Variants in ZNF410 observed in about 807,000 individuals in gnomAD.
ZNF410 encodes zinc finger protein 410, also known as another partner for ARF 1.
A neutral mutation model predicts 54.8 loss-of-function variants in ZNF410; 18 were observed. That is an observed-to-expected ratio of 0.33 (90% CI 0.23 to 0.49). The LOEUF (loss-of-function observed/expected upper bound fraction) is 0.49. ZNF410 is among the 20% of genes least tolerant of loss of function. The pLI, the probability that ZNF410 is intolerant of heterozygous loss-of-function variation, is 0.99. For missense variants in ZNF410, 405 were observed against 569.6 expected (o/e 0.71, Z 2.94); for synonymous variants, 191 against 207.3 (o/e 0.92, Z 0.68).
intron 11 of ZNF410, among the ~76,000 whole-genome samples, chr14:73,925,490 C>T (rs897120716): frequency 2.6e-5 from 4 of 151,276 alleles, no homozygotes; most frequent in Admixed American, 6.6e-5. Flanking sequence ...TGCAGTGGTG[C>T]GATCTCAGCT....
chr14:73,887,268 C>G (rs2055157519), intron 1 of ZNF410: 1 of 152,454 alleles, frequency 6.6e-6, no homozygotes, highest in Non-Finnish European at 1.5e-5. Flanking sequence ...ACCTTGGGGC[C>G]TTATTTCTGA....
intron 11 of ZNF410, among the ~76,000 whole-genome samples, chr14:73,926,595 C>A (rs1224076643): frequency 1.3e-5 from 2 of 152,010 alleles, no homozygotes; most frequent in South Asian, 4.2e-4. Context: ...CCACCAAGCC[C>A]CACTAATTTT....
chr14:73,905,031 T>C lies in ZNF410; in HGVS notation c.861T>C (p.Gly287=), dbSNP rs1482493432. ...KPFMCHESGC[G]KQFTTAGNLK... ...TTATGTGCCATGAGTCTGGCTGTGG[T>C]AAGCAGTTTACTACAGCTGGAAACC... The change falls in exon 7 of 12, where the codon GGT becomes GGC. Residue 287 remains glycine (G), a synonymous_variant. Coordinates refer to ENST00000555044, the MANE Select transcript of ZNF410 (RefSeq NM_021188.3). The C allele has an allele frequency of 1.2e-6, 2 of 1,613,888 alleles. No individual in the cohort carries two copies. The highest frequency in any genetic ancestry group is 1.7e-6 in the Non-Finnish European group (2 of 1,180,040).
chr14:73,903,393 A>G (rs1214293802), intron 5 of ZNF410, among the ~76,000 whole-genome samples: 1 of 152,190 alleles, frequency 6.6e-6, no homozygotes, highest in African/African-American at 2.4e-5. Flanking sequence ...ACATTTGTCA[A>G]AGAGGCCTAG....
chr14:73,905,873 TATAAAA>T (rs1182881288), intron 7 of ZNF410, among the ~76,000 whole-genome samples: 5 of 150,128 alleles, frequency 3.3e-5, no homozygotes, highest in Admixed American at 2.0e-4. Context: ...ATATATAAAA[TATAAAA>T]ATAAAAGGCA....
chr14:73,894,419 C>G (rs915500557), intron 3 of ZNF410: 1 of 678,982 alleles, frequency 1.5e-6, no homozygotes, highest in East Asian at 2.7e-5. Flanking sequence ...AGTATACATA[C>G]TTGCTTTTTT....
Position 73,898,074 on chromosome 14 carries a change from T to C in ZNF410, c.392T>C (p.Leu131Pro). The C allele has an allele frequency of 1.2e-6, 2 of 1,611,996 alleles. No individual in the cohort carries two copies. Among genetic ancestry groups the C allele is most frequent in the Non-Finnish European group, 1.7e-6 (2 of 1,178,488 alleles). The stretch of plus-strand genomic sequence containing the variant: ...TCATATATTTTGTTTCTTCCAGGTC[T>C]GGGCTCTTCAGCTGAGCACTTAGTG... ...FILLNLTRAG[L>P]GSSAEHLVFV... is the part of the protein sequence containing the mutation. The change falls in exon 5 of 12, where the codon CTG (leucine) becomes CCG (proline). Residue 131 changes from leucine (L) to proline (P), a missense_variant. Leu to Pro is a moderately conservative substitution (Grantham distance 98, BLOSUM62 -3). This residue lies in a region of ZNF410 where 247 missense variants were observed against 342.8 expected (regional missense o/e 0.72). Transcript: ENST00000555044.
intron 1 of ZNF410, among the ~76,000 whole-genome samples, chr14:73,889,414 A>C (rs1279012774): frequency 2.7e-5 from 4 of 146,380 alleles, no homozygotes; most frequent in Admixed American, 6.9e-5. Flanking sequence ...CCTGCGTGAC[A>C]GAGCGAGACT....
At chr14:73,899,696 G>A (rs2055376173) in intron 5 of ZNF410, among the ~76,000 whole-genome samples, 1 of 152,100 alleles carries the variant, frequency 6.6e-6, no homozygotes, top group Non-Finnish European at 1.5e-5. Flanking sequence ...CCCTGCCTTG[G>A]GCAGTTTAAC....
chr14:73,923,549 C>T, intron 11 of ZNF410, 27 bp downstream of exon 11: 1 of 1,600,732 alleles, frequency 6.2e-7, no homozygotes, highest in Non-Finnish European at 8.5e-7. Context: ...CCCTTTGTTT[C>T]TGTGACAATT....
chr14:73,917,788 A>G (rs2055690413), intron 8 of ZNF410, among the ~76,000 whole-genome samples: 1 of 152,108 alleles, frequency 6.6e-6, no homozygotes, highest in Non-Finnish European at 1.5e-5. Flanking sequence ...ATGCCACTGC[A>G]CTCCAGCCTG....
intron 11 of ZNF410, among the ~76,000 whole-genome samples, chr14:73,925,782 A>G (rs2055820847): frequency 1.3e-5 from 2 of 152,160 alleles, no homozygotes; most frequent in African/African-American, 4.8e-5. Flanking sequence ...CTATAATCCC[A>G]GCACTTTCGG....
chr14:73,916,527 A>G (rs190926970), intron 8 of ZNF410: 3 of 152,244 alleles, frequency 2.0e-5, no homozygotes, highest in East Asian at 1.9e-4. Context: ...TGCTTTTGAC[A>G]TGACCCATTT....
chr14:73,918,882 T>A, intron 8 of ZNF410, among the ~76,000 whole-genome samples: 1 of 145,166 alleles, frequency 6.9e-6, no homozygotes, highest in East Asian at 2.1e-4. Flanking sequence ...GTATTTTTAG[T>A]AGAGATGGGG....
chr14:73,906,747 G>T (rs2055496478), intron 7 of ZNF410, among the ~76,000 whole-genome samples: 1 of 152,160 alleles, frequency 6.6e-6, no homozygotes, highest in Non-Finnish European at 1.5e-5. Context: ...CCAAAGTGCT[G>T]AGATTATATA....
Position 73,893,983 on chromosome 14 carries a change from C to T in ZNF410, c.169+51C>T, listed in dbSNP as rs1262502291. 3.8e-6 allele frequency: 6 copies of T among 1,565,172 alleles called. No individual in the cohort carries two copies. In the East Asian group the frequency reaches 6.7e-5, roughly 18 times the overall value. On this transcript the variant is annotated intron_variant, in intron 3 of 11. Coordinates refer to ENST00000555044, the MANE Select transcript of ZNF410 (RefSeq NM_021188.3). ...GGATAAAGAAGTCTTAAGAGCTTAGCCTACTCTATGTTACTGGTGGAATGA... is the reference window on the plus strand; with the variant it reads ...GGATAAAGAAGTCTTAAGAGCTTAGTCTACTCTATGTTACTGGTGGAATGA...
At chr14:73,913,099 A>T (rs561988994) in intron 8 of ZNF410, 2 of 150,922 alleles carry the variant, frequency 1.3e-5, no homozygotes, top group Admixed American at 1.3e-4. Context: ...GTCTCACTCT[A>T]TTGCCCAGGC....
At position 73,898,051 on chromosome 14, in the gene ZNF410, A is replaced by G. The variant is rs2055349901; in HGVS notation, c.389-20A>G. ...AAGCTTGCTTGGTTTCTAACTTTTC[A>G]TATATTTTGTTTCTTCCAGGTCTGG... On this transcript the variant is annotated intron_variant, in intron 4 of 11. Coordinates refer to ENST00000555044, the MANE Select transcript of ZNF410 (RefSeq NM_021188.3). The G allele has an allele frequency of 1.3e-6, 2 of 1,592,518 alleles. No individual in the cohort carries two copies. The highest frequency in any genetic ancestry group is 2.3e-5 in the East Asian group (1 of 44,302).
chr14:73,893,716 A>G, intron 2 of ZNF410, 81 bp from the exon 3 acceptor site: 3 of 1,489,224 alleles, frequency 2.0e-6, no homozygotes, highest in East Asian at 4.6e-5. Flanking sequence ...AACAGTCTTA[A>G]TATTATCTTT....
Sources: allele counts gnomAD v4.1 joint callset (sites outside exome capture counted in the v4.1 genomes callset), GRCh38; gene constraint gnomAD v4.1.1; regional missense constraint gnomAD v4.1.1; transcripts MANE v1.5; gene names NCBI Gene and HGNC (gene_info 2026-07-23, HGNC 2026-07-21).